Variants in SP100 observed in about 807,000 individuals in gnomAD.
SP100 encodes the protein SP100 nuclear body protein, also known as nuclear autoantigen Sp-100.
A neutral mutation model predicts 130.0 loss-of-function variants in SP100; 84 were observed. The ratio of observed to expected loss-of-function variants is 0.65; its 90% CI spans 0.54 to 0.77. The LOEUF is 0.77. Ranked by LOEUF, SP100 falls within the 30% of genes least tolerant of loss-of-function variation. The pLI is 0.00. For missense variants in SP100, 978 were observed against 1,052.2 expected (o/e 0.93, Z 0.97); for synonymous variants, 331 against 351.7 (o/e 0.94, Z 0.66).
chr2:230,541,104 C>T, intron 26 of SP100, 108 bp downstream of exon 26: 1 of 1,406,444 alleles, frequency 7.1e-7, no homozygotes. Flanking sequence ...AAACTGCTGG[C>T]CTATGGTGTG....
chr2:230,452,053 T>C (rs2064013035), intron 8 of SP100, among the ~76,000 whole-genome samples: 1 of 152,234 alleles, frequency 6.6e-6, no homozygotes, highest in Admixed American at 6.5e-5. Flanking sequence ...CTGTATATAT[T>C]GAATCAGGTA....
At chr2:230,536,018 G>T (rs552858948) in intron 24 of SP100, among the ~76,000 whole-genome samples, 10 of 151,872 alleles carry the variant, frequency 6.6e-5, no homozygotes, top group Admixed American at 6.6e-4. Flanking sequence ...CCTTGTGAGA[G>T]GTTCCAGCAA....
intron 2 of SP100, among the ~76,000 whole-genome samples, chr2:230,442,014 A>G (rs2063490203): frequency 6.6e-6 from 1 of 151,364 alleles, no homozygotes; most frequent in Non-Finnish European, 1.5e-5. Flanking sequence ...TTCCTTTGTT[A>G]TCATTTTAGT....
chr2:230,452,842 G>T, intron 8 of SP100, among the ~76,000 whole-genome samples: 1 of 143,984 alleles, frequency 6.9e-6, no homozygotes, highest in African/African-American at 2.6e-5. Flanking sequence ...TTTTTTGGTG[G>T]AGTCTTCGGG....
intron 18 of SP100, among the ~76,000 whole-genome samples, chr2:230,497,974 G>C (rs2066790854): frequency 6.6e-6 from 1 of 152,190 alleles, no homozygotes; most frequent in South Asian, 2.1e-4. Flanking sequence ...TTGCATTGCT[G>C]CCATTGATTT....
At chr2:230,541,464 G>A (rs1167747856) in intron 27 of SP100, 92 bp downstream of exon 27, 1 of 1,098,616 alleles carries the variant, frequency 9.1e-7, no homozygotes, top group East Asian at 2.4e-5. Flanking sequence ...TATTTGGCTT[G>A]TTGATGAGTT....
intron 2 of SP100, 127 bp from the exon 3 acceptor site, chr2:230,442,810 A>T: frequency 1.3e-6 from 1 of 779,368 alleles, no homozygotes; most frequent in Non-Finnish European, 2.2e-6. Flanking sequence ...TCTGGCCTCT[A>T]CTGAGGACCA....
In SP100 at chr2:230,522,000, C is replaced by A. The variant is rs538375859; in HGVS notation, c.2094+10834C>A. ...CCCAAATGGCTGAGAAAGGGAAACA[C>A]CCTGACTGTTTTGATATGGACTTTC... On this transcript the variant is annotated intron_variant, in intron 24 of 28. Coordinates refer to ENST00000340126, the MANE Select transcript of SP100 (RefSeq NM_001080391.2). Among the ~76,000 whole-genome samples the A allele has an allele frequency of 4.6e-5, 7 of 152,270 alleles. No homozygotes were observed. The South Asian group carries it at 1.2e-3, about 27-fold the overall frequency.
Position 230,544,813 on chromosome 2 carries a change from C to T in SP100, c.*1867C>T, listed in dbSNP as rs377219789. Among the ~76,000 whole-genome samples, 6 of 152,278 alleles carry T rather than the reference C, an allele frequency of 3.9e-5. No homozygotes were observed. The East Asian group carries it at 5.8e-4, about 15-fold the overall frequency. ...CACTTTCCAAAAGAAGATACACATG[C>T]GGCCAACAAGCATGTTTTAAAAGCT... is the stretch of plus-strand genomic sequence containing the variant. On this transcript the variant is annotated 3_prime_UTR_variant, in exon 29 of 29. Coordinates refer to ENST00000340126, the MANE Select transcript of SP100 (RefSeq NM_001080391.2).
chr2:230,492,541 AGCG>A (rs2066441934), intron 17 of SP100, among the ~76,000 whole-genome samples: 1 of 152,162 alleles, frequency 6.6e-6, no homozygotes, highest in Non-Finnish European at 1.5e-5. Context: ...CCTGGCTTCA[AGCG>A]ATCTTTCCAC....
In SP100 at chr2:230,416,277, GC is replaced by G; in HGVS notation, c.-19del. On this transcript the variant is annotated 5_prime_UTR_variant, in exon 1 of 29. Transcript: ENST00000340126. Reference sequence around the variant, plus strand: ...TCAGAGGCCAGGCTCTGAGGCCCACGCAGGGCCTAGGGTGGGAAGATGGCAG... The same window carrying G: ...TCAGAGGCCAGGCTCTGAGGCCCACGAGGGCCTAGGGTGGGAAGATGGCAG... 6.2e-7 allele frequency: 1 copy of G among 1,610,166 alleles called. No homozygotes were observed.
intron 24 of SP100, among the ~76,000 whole-genome samples, chr2:230,523,672 G>A (rs932923250): frequency 2.0e-5 from 3 of 152,170 alleles, no homozygotes; most frequent in Non-Finnish European, 4.4e-5. Flanking sequence ...ACTTTGCGGG[G>A]CCAAGGCAGG....
At chr2:230,539,036 C>A in intron 24 of SP100, 1 of 364,242 alleles carries the variant, frequency 2.7e-6, no homozygotes, top group Non-Finnish European at 5.2e-6. Context: ...TGTCACTAGT[C>A]ATCATGTCAG....
Position 230,423,633 on chromosome 2 carries a change from TAAATGC to T in SP100, c.107+5970_107+5975del, listed in dbSNP as rs1187260911. On this transcript the variant is annotated intron_variant, in intron 2 of 28. Coordinates refer to ENST00000340126, the MANE Select transcript of SP100 (RefSeq NM_001080391.2). Reference sequence around the variant, plus strand: ...ACTTGCAGTGTTTCTTATTTTCTAATAAATGCATTTTAGGCCATGAATGTTCATCTC... The same window carrying T: ...ACTTGCAGTGTTTCTTATTTTCTAATATTTTAGGCCATGAATGTTCATCTC... 3.9e-5 allele frequency among the ~76,000 whole-genome samples: 6 copies of T among 152,364 alleles called. No homozygotes were observed. In the East Asian group the frequency reaches 1.2e-3, roughly 29 times the overall value.
Position 230,449,108 on chromosome 2 carries a change from C to T in SP100, c.544C>T (p.Arg182Ter), listed in dbSNP as rs1389093022. ...LEQGTGENSF[R>*]SLTWPPSGSP... ...GCCAGGAACTGGTGAAAACTCTTTT[C>T]GAAGCCTGACTTGGCCACCTTCGGG... The change falls in exon 6 of 29, where the codon CGA (arginine) becomes TGA (stop). Residue 182 changes from arginine to a stop codon, truncating the protein, a stop_gained. Transcript: ENST00000340126. LOFTEE classifies it high-confidence loss of function. 5.0e-6 allele frequency: 8 copies of T among 1,610,862 alleles called. No individual in the cohort carries two copies. Among genetic ancestry groups the T allele is most frequent in the African/African-American group, 2.7e-5 (2 of 74,862 alleles).
chr2:230,474,486 A>C, intron 17 of SP100, 39 bp downstream of exon 17: 1 of 948,846 alleles, frequency 1.1e-6, no homozygotes, highest in Non-Finnish European at 1.7e-6. Context: ...TTTATGTTAC[A>C]AATGAACTAT....
chr2:230,470,265 A>C, intron 15 of SP100, 167 bp downstream of exon 15: 1 of 1,342,172 alleles, frequency 7.5e-7, no homozygotes, highest in Non-Finnish European at 9.6e-7. Flanking sequence ...GCAGGAAATT[A>C]TGATAAACTC....
chr2:230,538,634 C>T (rs912336382), intron 24 of SP100: 4 of 152,258 alleles, frequency 2.6e-5, no homozygotes, highest in African/African-American at 9.7e-5. Context: ...ATTACAACAC[C>T]TTACATGCCT....
rs2066946039 is a variant in SP100 at position 230,500,275 on chromosome 2, A to C, written c.1720+1740A>C. Among the ~76,000 whole-genome samples, 3 of 152,214 alleles carry C rather than the reference A, an allele frequency of 2.0e-5. No homozygotes were observed. In the South Asian group the frequency reaches 6.2e-4, roughly 32 times the overall value. ...TCCAGGCATTTGACTGCCCGGATAT[A>C]CAATTGTAGTGAGGTGCTGGAGCCA... On this transcript the variant is annotated intron_variant, in intron 19 of 28. Coordinates refer to ENST00000340126, the MANE Select transcript of SP100 (RefSeq NM_001080391.2).
Sources: allele counts gnomAD v4.1 joint callset (sites outside exome capture counted in the v4.1 genomes callset), GRCh38; gene constraint gnomAD v4.1.1; transcripts MANE v1.5; gene names NCBI Gene and HGNC (gene_info 2026-07-23, HGNC 2026-07-21).